XPO6: variants seen among roughly 807,000 people sequenced by gnomAD.
XPO6 encodes the protein exportin-6.
In XPO6, 3 loss-of-function variants were observed where a neutral mutation model predicts 130.0. The ratio of observed to expected loss-of-function variants is 0.02; its 90% CI spans 0.01 to 0.06. The LOEUF is 0.06. Among genes scored for constraint, XPO6 ranks in the 10% least tolerant of loss-of-function variants. XPO6 has a pLI of 1.00. For synonymous variants in XPO6, 524 were observed against 548.9 expected, an observed-to-expected ratio of 0.95 and a Z score of 0.63; for missense variants, 970 against 1,393.0, an observed-to-expected ratio of 0.70 and a Z score of 4.83.
chr16:28,106,005 A>G lies in XPO6; in HGVS notation c.2784+38T>C. On this transcript the variant is annotated intron_variant, in intron 20 of 23. Transcript: ENST00000304658. This position sits in a 1 kb window ranked among gnomAD's most constrained non-coding sequence, Gnocchi z 4.2. The stretch of plus-strand genomic sequence containing the variant: ...ATCTCATTCCCTTCCCAATCTGGAG[A>G]TGGGGGGTGCTGCACAGGGGACCGT... 1 of 1,587,740 alleles carries G rather than the reference A, an allele frequency of 6.3e-7. No homozygotes were observed. The highest frequency in any genetic ancestry group is 8.6e-7 in the Non-Finnish European group (1 of 1,162,232).
intron 3 of XPO6, among the ~76,000 whole-genome samples, chr16:28,176,698 C>G (rs550943852): frequency 6.7e-6 from 1 of 148,512 alleles, no homozygotes; most frequent in Non-Finnish European, 1.5e-5. Flanking sequence ...TTAGTAGAGA[C>G]GGGGTTTCAC....
Position 28,125,841 on chromosome 16 carries a change from C to T in XPO6, c.1614G>A (p.Arg538=). 6.2e-7 allele frequency: 1 copy of T among 1,613,620 alleles called. No homozygotes were observed. Among genetic ancestry groups the T allele is most frequent in the Non-Finnish European group, 8.5e-7 (1 of 1,179,892 alleles). ...QFIVTSGSGH[R]LNITAENDCR... Reference sequence around the variant, plus strand: ...AGTCGTTCTCCGCCGTGATGTTCAACCTGTGTCCTGGAACACAACACGCCA... The same window carrying T: ...AGTCGTTCTCCGCCGTGATGTTCAATCTGTGTCCTGGAACACAACACGCCA... Residue 538 remains arginine (R), a synonymous_variant, in exon 13 of 24, where the codon AGG becomes AGA. Coordinates refer to ENST00000304658, the MANE Select transcript of XPO6 (RefSeq NM_015171.4).
chr16:28,117,609 A>T, intron 14 of XPO6, 147 bp from the exon 15 acceptor site: 1 of 996,080 alleles, frequency 1.0e-6, no homozygotes, highest in Non-Finnish European at 1.4e-6. Context: ...TTACCGGTTC[A>T]CGTAGAACCT....
intron 3 of XPO6, 133 bp from the exon 4 acceptor site, chr16:28,176,228 A>G: frequency 1.4e-6 from 1 of 739,846 alleles, no homozygotes; most frequent in Non-Finnish European, 2.2e-6. Context: ...GCAATATGGC[A>G]ATAAGAATAA....
rs1425733952 is a variant in XPO6 at position 28,146,200 on chromosome 16, T to C, written c.1228A>G (p.Thr410Ala). 4 of 1,609,198 alleles carry C rather than the reference T, an allele frequency of 2.5e-6. No homozygotes were observed. In the South Asian group the frequency reaches 3.3e-5, roughly 13 times the overall value. ...LLFKYTFHQP[T>A]HEGYFSCLDI... is the part of the protein sequence containing the mutation. ...AAACAAGAGAAGTAACCTTCATGAG[T>C]AGGCTATGGTACAAAAAAAATCCAG... The change falls in exon 9 of 24, where the codon ACT becomes GCT. Residue 410 changes from threonine to alanine, a missense_variant. Around this residue, in one of 4 missense-constraint regions of XPO6, gnomAD observed 936 missense variants for 1,306.8 expected, o/e 0.72. Transcript: ENST00000304658.
chr16:28,175,821 C>G, intron 4 of XPO6, 77 bp downstream of exon 4: 1 of 1,365,136 alleles, frequency 7.3e-7, no homozygotes, highest in Middle Eastern at 2.0e-4. Context: ...TCTTAAAAGT[C>G]CTCTTCAGGA....
chr16:28,186,841 T>A (rs1219900206), intron 1 of XPO6, among the ~76,000 whole-genome samples: 2 of 152,106 alleles, frequency 1.3e-5, no homozygotes, highest in Non-Finnish European at 2.9e-5. Context: ...CCGCTCCAAT[T>A]ATTCTAAACC....
intron 6 of XPO6, chr16:28,165,291 C>T (rs955925111): frequency 3.3e-5 from 5 of 152,178 alleles, no homozygotes; most frequent in African/African-American, 9.7e-5. Context: ...CCAAGACATT[C>T]GTTCACTCAT....
chr16:28,102,064 C>CGGTG (rs1437267274), intron 21 of XPO6, 119 bp from the exon 22 acceptor site: 2 of 777,592 alleles, frequency 2.6e-6, no homozygotes, highest in African/African-American at 3.5e-5. Context: ...GCTTCTGGCC[C>CGGTG]ACCAGCTCAG....
intron 1 of XPO6, among the ~76,000 whole-genome samples, chr16:28,210,681 G>A (rs1362462992): frequency 8.5e-5 from 13 of 152,208 alleles, no homozygotes; most frequent in Admixed American, 8.5e-4. Flanking sequence ...AGTATTGAAA[G>A]TATCGGTCTA....
chr16:28,154,613 C>G (rs1567626476), intron 7 of XPO6: 1 of 152,266 alleles, frequency 6.6e-6, no homozygotes. Flanking sequence ...CACCTCTCAG[C>G]TTTCACAGGG....
intron 1 of XPO6, 110 bp from the exon 2 acceptor site, chr16:28,181,141 C>A: frequency 1.2e-6 from 1 of 801,220 alleles, no homozygotes; most frequent in Non-Finnish European, 1.9e-6. Flanking sequence ...TCCTCAAAAT[C>A]TTGGTTCAAC....
At chr16:28,190,050 A>T (rs1205514500) in intron 1 of XPO6, among the ~76,000 whole-genome samples, 1 of 152,178 alleles carries the variant, frequency 6.6e-6, no homozygotes, top group Non-Finnish European at 1.5e-5. Context: ...GGCAGTGATA[A>T]CATGGAAGCA....
chr16:28,210,810 GCT>G (rs765415512), intron 1 of XPO6, among the ~76,000 whole-genome samples: 3 of 152,142 alleles, frequency 2.0e-5, no homozygotes, highest in African/African-American at 4.8e-5. Context: ...TCTGTAAATC[GCT>G]CTGTTTCCTC....
Position 28,132,408 on chromosome 16 carries a change from A to T in XPO6, c.1537-5T>A, listed in dbSNP as rs553285028. ...ATTGTCCTGAAGAACAGGGAACTGA[A>T]AACAAAGAAACAAAAACAACAAAAA... On this transcript the variant is annotated splice_region_variant and splice_polypyrimidine_tract_variant and intron_variant, in intron 11 of 23. Transcript: ENST00000304658. The surrounding 1 kb of genome is among the most constrained non-coding windows in gnomAD (Gnocchi z 4.0). 6.3e-7 allele frequency: 1 copy of T among 1,585,512 alleles called. No individual in the cohort carries two copies. The highest frequency in any genetic ancestry group is 1.4e-5 in the African/African-American group (1 of 73,534).
At chr16:28,175,823 T>A in intron 4 of XPO6, 75 bp downstream of exon 4, 5 of 1,392,626 alleles carry the variant, frequency 3.6e-6, no homozygotes, top group Non-Finnish European at 5.0e-6. Context: ...TTAAAAGTCC[T>A]CTTCAGGACA....
intron 8 of XPO6, among the ~76,000 whole-genome samples, chr16:28,149,083 G>A (rs1248983608): frequency 1.3e-5 from 2 of 148,384 alleles, no homozygotes; most frequent in Non-Finnish European, 3.0e-5. Flanking sequence ...ACAAAAGGAA[G>A]GTGGATCTTA....
rs545103961 is a variant in XPO6, at chr16:28,176,006, A to G, written c.297T>C (p.His99=). Residue 99 remains histidine, a synonymous_variant, in exon 4 of 24, where the codon CAT becomes CAC. Transcript: ENST00000304658. ...SCLPKLLLAH[H]KTLPYFIRNK... is the part of the protein sequence containing the mutation. ...TCCGGATAAAGTAAGGTAAGGTTTT[A>G]TGGTGAGCCAAAAGGAGTTTGGGCA... The G allele has an allele frequency of 9.9e-6, 16 of 1,614,216 alleles. No individual in the cohort carries two copies. In the East Asian group the frequency reaches 3.3e-4, roughly 34 times the overall value.
chr16:28,109,651 A>G (rs2086871479), intron 17 of XPO6, among the ~76,000 whole-genome samples: 1 of 152,248 alleles, frequency 6.6e-6, no homozygotes, highest in Non-Finnish European at 1.5e-5. Context: ...AAAAATGCCA[A>G]TGTCACGAAA....
Sources: gnomAD v4.1 joint callset for allele counts (sites outside exome capture counted in the v4.1 genomes callset) on GRCh38, gnomAD v4.1.1 for gene constraint, gnomAD v4.1.1 regional missense constraint, Gnocchi (gnomAD v3.1) non-coding constraint, MANE v1.5 for transcripts, NCBI Gene and HGNC (gene_info 2026-07-23, HGNC 2026-07-21) for gene names.